Variants in FGFR1 observed in about 807,000 individuals in gnomAD.
FGFR1 encodes fibroblast growth factor receptor 1, also known as FGFR1/PLAG1 fusion.
FGFR1 carries 18 observed loss-of-function variants against 93.7 expected under a neutral mutation model. That is an observed-to-expected ratio of 0.19 (90% confidence interval 0.13 to 0.28). The LOEUF is 0.28. FGFR1 is among the 10% of genes least tolerant of loss of function. The pLI is 1.00. For missense variants in FGFR1, 731 were observed against 1,080.4 expected (o/e 0.68, Z 4.53); for synonymous variants, 448 against 429.3 (o/e 1.04, Z -0.54).
chr8:38,432,965 G>A (rs1823832081), intron 2 of FGFR1, among the ~76,000 whole-genome samples: 1 of 139,688 alleles, frequency 7.2e-6, no homozygotes, highest in Non-Finnish European at 1.5e-5. Context: ...CCCTGGCATG[G>A]CAAAGCTTAC....
intron 2 of FGFR1, among the ~76,000 whole-genome samples, chr8:38,443,077 G>A (rs934121912): frequency 6.6e-6 from 1 of 152,204 alleles, no homozygotes; most frequent in African/African-American, 2.4e-5. Flanking sequence ...TAGAATAGTG[G>A]TTACCAAGGG....
chr8:38,434,783 G>C (rs781043513), intron 2 of FGFR1: 1 of 154,704 alleles, frequency 6.5e-6, no homozygotes, highest in Non-Finnish European at 1.4e-5. Flanking sequence ...TCGGAACAGC[G>C]ATGAGTGAGG....
At position 38,424,495 on chromosome 8, in the gene FGFR1, G is replaced by A. The variant is rs2150811627; in HGVS notation, c.936+14C>T. The stretch of plus-strand genomic sequence containing the variant: ...CCCAGTAGACTGGCCCACGAAGACT[G>A]GTGCCATGATTACCTTCAAGATCTG... On this transcript the variant is annotated intron_variant, in intron 7 of 17. Coordinates refer to ENST00000447712, the MANE Select transcript of FGFR1 (RefSeq NM_023110.3). The surrounding 1 kb of genome is among the most constrained non-coding windows in gnomAD (Gnocchi z 4.3). 1 of 1,614,058 alleles carries A rather than the reference G, an allele frequency of 6.2e-7. No homozygotes were observed. The highest frequency in any genetic ancestry group is 8.5e-7 in the Non-Finnish European group (1 of 1,179,950).
At chr8:38,442,279 A>G (rs898432144) in intron 2 of FGFR1, among the ~76,000 whole-genome samples, 6 of 151,992 alleles carry the variant, frequency 3.9e-5, no homozygotes, top group African/African-American at 1.5e-4. Flanking sequence ...TATAAATCAC[A>G]TCCTAAACTC....
chr8:38,432,037 T>C (rs1016907850), intron 2 of FGFR1, among the ~76,000 whole-genome samples: 8 of 152,162 alleles, frequency 5.3e-5, no homozygotes, highest in Non-Finnish European at 8.8e-5. Flanking sequence ...GTGCAACCCA[T>C]TGGTCAAGAG....
At chr8:38,450,795 G>A (rs547993764) in intron 2 of FGFR1, among the ~76,000 whole-genome samples, 17 of 152,340 alleles carry the variant, frequency 1.1e-4, no homozygotes, top group African/African-American at 3.6e-4. Flanking sequence ...GGGCCTGGCA[G>A]AGCCAGAGTG....
chr8:38,434,093 A>C (rs1462358017), intron 2 of FGFR1, among the ~76,000 whole-genome samples: 1 of 152,248 alleles, frequency 6.6e-6, no homozygotes, highest in Non-Finnish European at 1.5e-5. Context: ...TAGAATCAGC[A>C]CTTTGTTCCT....
At chr8:38,450,420 G>T (rs1310328385) in intron 2 of FGFR1, among the ~76,000 whole-genome samples, 1 of 152,188 alleles carries the variant, frequency 6.6e-6, no homozygotes, top group Non-Finnish European at 1.5e-5. Context: ...ACGAGGCATT[G>T]TGAAAATAGG....
rs762665767 is a variant in FGFR1, at chr8:38,428,091, C to T, written c.451G>A (p.Val151Ile). 17 of 1,614,110 alleles carry T rather than the reference C, an allele frequency of 1.1e-5. No individual in the cohort carries two copies. Among genetic ancestry groups the T allele is most frequent in the Admixed American group, 8.3e-5 (5 of 60,028 alleles). The change falls in exon 5 of 18, where the codon GTA becomes ATA. Residue 151 changes from valine (V) to isoleucine (I), a missense_variant and splice_region_variant. Around this residue, in one of 10 missense-constraint regions of FGFR1, gnomAD observed 212 missense variants for 205.8 expected, o/e 1.03. Transcript: ENST00000447712. The stretch of plus-strand genomic sequence containing the variant: ...TCTGGGGATGTCCAATATGGAGCTA[C>T]GGCTGCCCGGGGAAAGCCAAGAGAG... ...TDNTKPNRMP[V>I]APYWTSPEKM...
At chr8:38,431,906 G>A (rs1342306903) in intron 2 of FGFR1, among the ~76,000 whole-genome samples, 3 of 152,124 alleles carry the variant, frequency 2.0e-5, no homozygotes, top group African/African-American at 4.8e-5. Flanking sequence ...TTTGCCAAAC[G>A]AAGGTAAGGA....
At chr8:38,467,577 A>T (rs1835825271) in intron 1 of FGFR1, 2 of 235,424 alleles carry the variant, frequency 8.5e-6, no homozygotes, top group Non-Finnish European at 1.7e-5. Flanking sequence ...CACACAACGC[A>T]TCCCACCTCG....
chr8:38,440,396 A>T, intron 2 of FGFR1: 3 of 1,559,456 alleles, frequency 1.9e-6, no homozygotes, highest in Non-Finnish European at 2.6e-6. Flanking sequence ...GGGTGGAGAG[A>T]GCCCCAAAAA....
intron 1 of FGFR1, chr8:38,466,437 G>C (rs1444587492): frequency 2.2e-5 from 5 of 231,484 alleles, no homozygotes; most frequent in Non-Finnish European, 3.4e-5. Context: ...CCCTAGTCTA[G>C]CGGATGAACC....
intron 2 of FGFR1, among the ~76,000 whole-genome samples, chr8:38,442,362 GGTGTGT>G (rs56889687): frequency 4.0e-4 from 58 of 146,048 alleles, no homozygotes; most frequent in South Asian, 1.5e-3. Flanking sequence ...TTGTTAAAGT[GGTGTGT>G]GTGTGTGTGT....
At chr8:38,427,441 G>C (rs997591594) in intron 5 of FGFR1, among the ~76,000 whole-genome samples, 2 of 152,104 alleles carry the variant, frequency 1.3e-5, no homozygotes, top group Non-Finnish European at 2.9e-5. Context: ...ACCACACATG[G>C]CTAATTTTTT....
intron 11 of FGFR1, 129 bp downstream of exon 11, chr8:38,417,741 A>T (rs1817214370): frequency 7.6e-7 from 1 of 1,319,266 alleles, no homozygotes; most frequent in South Asian, 1.2e-5. Flanking sequence ...CTCCCAGGTA[A>T]CCCCAAGCAG....
chr8:38,421,626 C>T, intron 8 of FGFR1, 171 bp downstream of exon 8: 1 of 750,358 alleles, frequency 1.3e-6, no homozygotes, highest in South Asian at 1.5e-5. Flanking sequence ...AAGCTCTTCT[C>T]TGAGCTGAGA....
Position 38,417,930 on chromosome 8 carries a change from T to C in FGFR1, c.1492A>G (p.Ile498Val), listed in dbSNP as rs767419329. Residue 498 changes from isoleucine to valine, a missense_variant, in exon 11 of 18, where the codon ATC becomes GTC. Ile to Val is a conservative substitution (Grantham distance 29). Transcript: ENST00000447712. ...CFGQVVLAEA[I>V]GLDKDKPNRV... ...TTGGGTTTGTCCTTGTCCAGCCCGA[T>C]AGCCTCTGCCAACACCACCTGCCCA... The C allele has an allele frequency of 5.6e-6, 9 of 1,614,078 alleles. No homozygotes were observed. The Admixed American group carries it at 6.7e-5, about 12-fold the overall frequency.
At chr8:38,452,534 T>G (rs1831419926) in intron 2 of FGFR1, among the ~76,000 whole-genome samples, 1 of 152,066 alleles carries the variant, frequency 6.6e-6, no homozygotes. Flanking sequence ...CCAGCTAATT[T>G]TTAAAATTTT....
Sources: gnomAD v4.1 joint callset for allele counts (sites outside exome capture counted in the v4.1 genomes callset) on GRCh38, gnomAD v4.1.1 for gene constraint, gnomAD v4.1.1 regional missense constraint, Gnocchi (gnomAD v3.1) non-coding constraint, MANE v1.5 for transcripts, NCBI Gene and HGNC (gene_info 2026-07-23, HGNC 2026-07-21) for gene names.